CSGALNACT1: variants seen among roughly 807,000 people sequenced by gnomAD.
The protein encoded by CSGALNACT1 is beta4GalNAcT-1.
Under a neutral mutation model 51.0 loss-of-function variants are expected in CSGALNACT1, and 52 were observed. That is an observed-to-expected ratio of 1.02 (90% CI 0.82 to 1.29). CSGALNACT1 has a LOEUF of 1.29. Ranked by LOEUF, CSGALNACT1 falls within the 50% of genes most tolerant of loss-of-function variation. The pLI is 0.00. For synonymous variants in CSGALNACT1, 341 were observed against 254.4 expected (o/e 1.34, Z -3.24); for missense variants, 935 against 679.2 (o/e 1.38, Z -4.19).
At chr8:19,584,018 C>G (rs2046129459) in intron 3 of CSGALNACT1, among the ~76,000 whole-genome samples, 1 of 152,176 alleles carries the variant, frequency 6.6e-6, no homozygotes, top group South Asian at 2.1e-4. Context: ...TGGGCCACAT[C>G]TAATAGTCTG....
rs182102204 is a variant in CSGALNACT1, at chr8:19,608,479, G to A, written c.-543-6614C>T. ...ATCTCCCAAGTTACCTTCCAGTAGA[G>A]AAACTGCACTTACTTTTTATTATTC... is the stretch of plus-strand genomic sequence containing the variant. On this transcript the variant is annotated intron_variant, in intron 1 of 9. Transcript: ENST00000332246. Among the ~76,000 whole-genome samples, 5 of 152,300 alleles carry A rather than the reference G, an allele frequency of 3.3e-5. No individual in the cohort carries two copies. In the South Asian group the frequency reaches 6.2e-4, roughly 19 times the overall value.
At chr8:19,678,721 C>T (rs1277043103) in intron 1 of CSGALNACT1, 4 of 152,034 alleles carry the variant, frequency 2.6e-5, no homozygotes, top group Non-Finnish European at 4.4e-5. Context: ...AAATTCCATA[C>T]GTTTTGACCC....
intron 4 of CSGALNACT1, among the ~76,000 whole-genome samples, chr8:19,491,883 C>T (rs2153964829): frequency 6.6e-6 from 1 of 152,218 alleles, no homozygotes; most frequent in Admixed American, 6.5e-5. Flanking sequence ...TACATGAGTC[C>T]ACAGAATTAG....
intron 8 of CSGALNACT1, among the ~76,000 whole-genome samples, chr8:19,411,825 C>G (rs2055812946): frequency 6.9e-6 from 1 of 145,712 alleles, no homozygotes; most frequent in African/African-American, 2.6e-5. Flanking sequence ...TTTCCAAGCA[C>G]TATCCTCCTT....
At chr8:19,608,621 C>T (rs952062598) in intron 1 of CSGALNACT1, among the ~76,000 whole-genome samples, 2 of 152,182 alleles carry the variant, frequency 1.3e-5, no homozygotes, top group African/African-American at 4.8e-5. Context: ...CGGGCAAAGA[C>T]AACACTTAGG....
intron 1 of CSGALNACT1, among the ~76,000 whole-genome samples, chr8:19,711,280 A>C (rs1159255294): frequency 6.6e-6 from 1 of 152,176 alleles, no homozygotes; most frequent in Non-Finnish European, 1.5e-5. Context: ...TTATCCTGAA[A>C]TATTTATTAA....
chr8:19,494,551 C>A (rs1219237648), intron 4 of CSGALNACT1, among the ~76,000 whole-genome samples: 3 of 152,208 alleles, frequency 2.0e-5, no homozygotes, highest in African/African-American at 7.2e-5. Context: ...ATCTCCAGCA[C>A]TGAGAATGCC....
At chr8:19,629,572 C>T (rs2054928795) in intron 1 of CSGALNACT1, among the ~76,000 whole-genome samples, 2 of 152,304 alleles carry the variant, frequency 1.3e-5, no homozygotes, top group African/African-American at 4.8e-5. Context: ...CAGATTATTT[C>T]CATTATGTTA....
intron 4 of CSGALNACT1, among the ~76,000 whole-genome samples, chr8:19,501,450 T>C (rs10888165): frequency 0.6 from 90,497 of 151,884 alleles, 27,410 homozygotes; most frequent in East Asian, 0.84. Flanking sequence ...CACAGCACCC[T>C]CAAAGCCTTC....
At chr8:19,630,915 T>C (rs1432302764) in intron 1 of CSGALNACT1, among the ~76,000 whole-genome samples, 1 of 152,182 alleles carries the variant, frequency 6.6e-6, no homozygotes, top group Non-Finnish European at 1.5e-5. Context: ...TTTATTTCCA[T>C]CTTGTATCCG....
chr8:19,627,782 A>G (rs2054637941), intron 1 of CSGALNACT1, among the ~76,000 whole-genome samples: 1 of 152,194 alleles, frequency 6.6e-6, no homozygotes, highest in Non-Finnish European at 1.5e-5. Context: ...CTATGGTTAC[A>G]CCACTGCACT....
chr8:19,553,774 G>T (rs1053439831), intron 3 of CSGALNACT1, among the ~76,000 whole-genome samples: 2 of 151,442 alleles, frequency 1.3e-5, no homozygotes, highest in East Asian at 1.9e-4. Flanking sequence ...ATAATAGAAA[G>T]GTCAAAGGAA....
At chr8:19,599,534 A>AAAG in intron 2 of CSGALNACT1, among the ~76,000 whole-genome samples, 1 of 150,384 alleles carries the variant, frequency 6.6e-6, no homozygotes, top group African/African-American at 2.4e-5. Flanking sequence ...GAAAAGAAAG[A>AAAG]AAAAGAAGGA....
chr8:19,429,442 G>T (rs1005100067), intron 6 of CSGALNACT1, among the ~76,000 whole-genome samples: 1 of 136,666 alleles, frequency 7.3e-6, no homozygotes, highest in African/African-American at 2.8e-5. Context: ...CTCCCAAAAG[G>T]CTGGGATAAC....
chr8:19,661,806 C>T (rs574144833), intron 1 of CSGALNACT1, among the ~76,000 whole-genome samples: 8 of 152,278 alleles, frequency 5.3e-5, no homozygotes, highest in Admixed American at 2.0e-4. Context: ...TTTCAAATCA[C>T]GGATATGCCT....
At chr8:19,721,511 T>C (rs556441927) in intron 1 of CSGALNACT1, among the ~76,000 whole-genome samples, 105 of 152,216 alleles carry the variant, frequency 6.9e-4, no homozygotes, top group African/African-American at 2.5e-3. Flanking sequence ...GGAATAATCA[T>C]AAAGCCTGAT....
intron 1 of CSGALNACT1, among the ~76,000 whole-genome samples, chr8:19,619,427 G>A (rs2053532936): frequency 6.6e-6 from 1 of 152,092 alleles, no homozygotes; most frequent in African/African-American, 2.4e-5. Flanking sequence ...TAAGTGCAAT[G>A]GAGTCGCAAA....
chr8:19,575,880 A>G (rs1195343447), intron 3 of CSGALNACT1, among the ~76,000 whole-genome samples: 3 of 152,186 alleles, frequency 2.0e-5, no homozygotes, highest in Non-Finnish European at 4.4e-5. Context: ...ATGAGAGTTC[A>G]TTGTACCATA....
intron 4 of CSGALNACT1, among the ~76,000 whole-genome samples, chr8:19,470,147 G>A (rs1040428452): frequency 6.6e-6 from 1 of 152,138 alleles, no homozygotes; most frequent in Non-Finnish European, 1.5e-5. Flanking sequence ...CTACAACCCC[G>A]CAAAGTACTT....
Sources: allele counts gnomAD v4.1 joint callset (sites outside exome capture counted in the v4.1 genomes callset), GRCh38; gene constraint gnomAD v4.1.1; transcripts MANE v1.5; gene names NCBI Gene and HGNC (gene_info 2026-07-23, HGNC 2026-07-21).